The following BABAM2 variants were observed in gnomAD, a reference collection of about 807,000 sequenced individuals.
BABAM2 encodes BRISC and BRCA1-A complex member 2.
A neutral mutation model predicts 54.7 loss-of-function variants in BABAM2; 31 were observed. That is an observed-to-expected ratio of 0.57 (90% confidence interval 0.43 to 0.77). The LOEUF (loss-of-function observed/expected upper bound fraction) is 0.77. Among genes scored for constraint, BABAM2 ranks in the 30% least tolerant of loss-of-function variants. BABAM2 has a pLI of 0.00. For missense variants in BABAM2, 364 were observed against 455.8 expected, an observed-to-expected ratio of 0.80 and a Z score of 1.83; for synonymous variants, 167 against 162.9, an observed-to-expected ratio of 1.03 and a Z score of -0.19.
intron 6 of BABAM2, among the ~76,000 whole-genome samples, chr2:28,076,443 G>T (rs1189544836): frequency 6.6e-6 from 1 of 150,834 alleles, no homozygotes; most frequent in Non-Finnish European, 1.5e-5. Context: ...GATAACCATT[G>T]AAAATTTTTA....
chr2:28,263,145 A>AAG (rs1553353539), intron 10 of BABAM2, among the ~76,000 whole-genome samples: 1 of 143,208 alleles, frequency 7.0e-6, no homozygotes, highest in African/African-American at 2.8e-5. Context: ...AAAAAAAAAA[A>AAG]AAGAAGAAAA....
At chr2:28,063,126 C>G (rs1454573501) in intron 6 of BABAM2, among the ~76,000 whole-genome samples, 1 of 152,128 alleles carries the variant, frequency 6.6e-6, no homozygotes, top group Non-Finnish European at 1.5e-5. Flanking sequence ...CTAAGCTTGC[C>G]CAGTCAGAGT....
chr2:28,210,245 A>G (rs541934742), intron 7 of BABAM2, among the ~76,000 whole-genome samples: 3 of 152,300 alleles, frequency 2.0e-5, no homozygotes, highest in Non-Finnish European at 2.9e-5. Context: ...AGTACCTATT[A>G]TGTGCCTGGG....
intron 11 of BABAM2, chr2:28,327,345 G>A: frequency 1.2e-6 from 2 of 1,613,854 alleles, no homozygotes; most frequent in Non-Finnish European, 8.5e-7. Context: ...GCAAAAACTG[G>A]CTGCAAGCTG....
chr2:28,294,705 A>G (rs569481754), intron 10 of BABAM2, among the ~76,000 whole-genome samples: 2 of 152,348 alleles, frequency 1.3e-5, no homozygotes, highest in African/African-American at 4.8e-5. Flanking sequence ...ATTCTTATGC[A>G]TAGAACATTT....
At chr2:28,161,073 A>G (rs1003925345) in intron 7 of BABAM2, among the ~76,000 whole-genome samples, 2 of 152,206 alleles carry the variant, frequency 1.3e-5, no homozygotes, top group African/African-American at 4.8e-5. Context: ...TTTCCAACAG[A>G]TTCCCTTTAC....
chr2:28,025,316 C>T lies in BABAM2; in HGVS notation c.391C>T (p.Arg131Cys), dbSNP rs373361156. Residue 131 changes from arginine (R) to cysteine (C), a missense_variant, in exon 5 of 12, where the codon CGC becomes TGC. Physicochemically the swap from Arg to Cys is radical, Grantham distance 180. Transcript: ENST00000379624. Reference sequence around the variant, plus strand: ...ACAATATCACCAATTCCAATGTAGCCGCCTCCGGGAGAGCTCCCGCCTCAT... The same window carrying T: ...ACAATATCACCAATTCCAATGTAGCTGCCTCCGGGAGAGCTCCCGCCTCAT... ...VQQYHQFQCS[R>C]LRESSRLMFE... 17 of 1,612,794 alleles carry T rather than the reference C, an allele frequency of 1.1e-5. No homozygotes were observed. Among genetic ancestry groups the T allele is most frequent in the African/African-American group, 4.0e-5 (3 of 74,822 alleles).
intron 2 of BABAM2, among the ~76,000 whole-genome samples, chr2:27,923,675 A>G (rs1667486237): frequency 6.6e-6 from 1 of 151,964 alleles, no homozygotes; most frequent in African/African-American, 2.4e-5. Flanking sequence ...AAAAATCAAA[A>G]CAATGCAGAA....
chr2:28,204,984 A>G (rs1344135777), intron 7 of BABAM2, among the ~76,000 whole-genome samples: 2 of 152,114 alleles, frequency 1.3e-5, no homozygotes, highest in Non-Finnish European at 2.9e-5. Context: ...GTTAAAAAAA[A>G]AAAACAACCT....
intron 6 of BABAM2, among the ~76,000 whole-genome samples, chr2:28,112,656 T>C (rs928472033): frequency 6.6e-6 from 1 of 152,204 alleles, no homozygotes; most frequent in African/African-American, 2.4e-5. Context: ...TGAATAGTGC[T>C]GCAATAAACA....
chr2:27,996,632 G>C (rs942305377), intron 4 of BABAM2, among the ~76,000 whole-genome samples: 6 of 152,192 alleles, frequency 3.9e-5, no homozygotes, highest in African/African-American at 1.4e-4. Context: ...GAGAGGAGCT[G>C]GCTGCATGTT....
intron 6 of BABAM2, among the ~76,000 whole-genome samples, chr2:28,071,013 T>G (rs528473822): frequency 2.0e-5 from 3 of 152,046 alleles, no homozygotes; most frequent in Non-Finnish European, 2.9e-5. Flanking sequence ...CCAGCCTCAG[T>G]TTTCTTAATT....
intron 7 of BABAM2, among the ~76,000 whole-genome samples, chr2:28,170,199 A>C (rs1674169135): frequency 6.6e-6 from 1 of 152,150 alleles, no homozygotes; most frequent in Non-Finnish European, 1.5e-5. Context: ...AGACTTTAAA[A>C]ACAATATATA....
At chr2:28,026,772 T>C (rs564314185) in intron 5 of BABAM2, among the ~76,000 whole-genome samples, 8 of 103,862 alleles carry the variant, frequency 7.7e-5, no homozygotes, top group African/African-American at 2.7e-4. Flanking sequence ...TATATAAATA[T>C]ATAAAAAAAT....
intron 3 of BABAM2, among the ~76,000 whole-genome samples, chr2:27,979,032 CTT>C (rs35403760): frequency 7.1e-6 from 1 of 139,872 alleles, no homozygotes; most frequent in Non-Finnish European, 1.5e-5. Context: ...TTCTTTTTTT[CTT>C]TTTTTTTTTT....
chr2:27,894,171 G>A lies in BABAM2; in HGVS notation c.-24-362G>A, dbSNP rs1395899564. Among the ~76,000 whole-genome samples the A allele has an allele frequency of 2.0e-5, 3 of 152,116 alleles. No homozygotes were observed. In the East Asian group the frequency reaches 5.8e-4, roughly 29 times the overall value. ...TCAGTGATGTGTGTGTTTTTGTGTT[G>A]GGATAGAGGATTGTTAGCGAGGGCT... is the stretch of plus-strand genomic sequence containing the variant. On this transcript the variant is annotated intron_variant, in intron 1 of 11. Coordinates refer to ENST00000379624, the MANE Select transcript of BABAM2 (RefSeq NM_199191.3).
Position 28,057,529 on chromosome 2 carries a change from A to C in BABAM2, c.570+11730A>C, listed in dbSNP as rs144626895. On this transcript the variant is annotated intron_variant, in intron 6 of 11. Coordinates refer to ENST00000379624, the MANE Select transcript of BABAM2 (RefSeq NM_199191.3). ...TTTTAATCTGGAACTACTTTCCTCTATGGTAGAGTTTTCTTCACCCACATC... is the reference window on the plus strand; with the variant it reads ...TTTTAATCTGGAACTACTTTCCTCTCTGGTAGAGTTTTCTTCACCCACATC... Among the ~76,000 whole-genome samples, 1,510 of 151,758 alleles carry C rather than the reference A, an allele frequency of 1.0e-2. 11 individuals are homozygous for C. The highest frequency in any genetic ancestry group is 0.028 in the South Asian group (133 of 4,800).
intron 10 of BABAM2, among the ~76,000 whole-genome samples, chr2:28,265,259 A>T (rs938046378): frequency 1.3e-5 from 2 of 152,070 alleles, no homozygotes; most frequent in African/African-American, 4.8e-5. Context: ...AACATGGCAA[A>T]ACCCCGTCTC....
intron 10 of BABAM2, among the ~76,000 whole-genome samples, chr2:28,270,622 G>A (rs1484927582): frequency 6.6e-6 from 1 of 152,200 alleles, no homozygotes; most frequent in Non-Finnish European, 1.5e-5. Context: ...TGAACCAAGA[G>A]TCGACCTGCT....
Sources: gnomAD v4.1 joint callset for allele counts (sites outside exome capture counted in the v4.1 genomes callset) on GRCh38, gnomAD v4.1.1 for gene constraint, MANE v1.5 for transcripts, NCBI Gene and HGNC (gene_info 2026-07-23, HGNC 2026-07-21) for gene names.